The following THEMIS variants were observed in gnomAD, a reference collection of about 807,000 sequenced individuals.
The protein encoded by THEMIS is protein THEMIS.
THEMIS carries 37 observed loss-of-function variants against 52.6 expected under a neutral mutation model. The observed-to-expected ratio is 0.70, with a 90% CI of 0.54 to 0.93. The LOEUF (loss-of-function observed/expected upper bound fraction) is 0.93, where lower values mean the gene tolerates loss of function less well. THEMIS is among the 40% of genes least tolerant of loss of function. THEMIS has a pLI of 0.00. For synonymous variants in THEMIS, 292 were observed against 272.7 expected (o/e 1.07, Z -0.70); for missense variants, 808 against 763.1 (o/e 1.06, Z -0.69).
intron 4 of THEMIS, among the ~76,000 whole-genome samples, chr6:127,800,846 C>T (rs1018150344): frequency 6.6e-6 from 1 of 152,192 alleles, no homozygotes; most frequent in African/African-American, 2.4e-5. Flanking sequence ...TCTCCTTGCT[C>T]CTCAGCCTGA....
intron 3 of THEMIS, among the ~76,000 whole-genome samples, chr6:127,817,538 GT>G (rs908949489): frequency 7.0e-4 from 106 of 152,144 alleles, no homozygotes; most frequent in Admixed American, 2.5e-3. Flanking sequence ...TTTCATCCAA[GT>G]TTTTTTAATA....
chr6:127,762,834 G>A lies in THEMIS; in HGVS notation c.1759-43011C>T, dbSNP rs76602000. 2.6e-5 allele frequency among the ~76,000 whole-genome samples: 4 copies of A among 151,966 alleles called. No individual in the cohort carries two copies. The East Asian group carries it at 7.7e-4, about 29-fold the overall frequency. On this transcript the variant is annotated intron_variant, in intron 4 of 5. Transcript: ENST00000368248. The stretch of plus-strand genomic sequence containing the variant: ...CATCTCCCTTGCATTACCTGCTTTT[G>A]CTGCCATTGTTCTAAGTATTTCTAG...
At chr6:127,696,967 C>T in the THEMIS span, among the ~76,000 whole-genome samples, 71 of 152,108 alleles carry the variant, frequency 4.7e-4, no homozygotes, top group African/African-American at 1.4e-3. Context: ...ATTTTGGACA[C>T]GCACAATTCA....
chr6:127,761,213 G>A (rs542879249), intron 4 of THEMIS, among the ~76,000 whole-genome samples: 4 of 152,182 alleles, frequency 2.6e-5, no homozygotes, highest in East Asian at 1.9e-4. Context: ...CCAAGTGTTG[G>A]CAAGGATGTG....
intron 4 of THEMIS, among the ~76,000 whole-genome samples, chr6:127,723,169 A>C (rs1340752838): frequency 6.6e-6 from 1 of 151,992 alleles, no homozygotes; most frequent in African/African-American, 2.4e-5. Context: ...AGATCCACTG[A>C]TCCCTCTACT....
At chr6:127,734,610 C>T (rs1774923339) in intron 4 of THEMIS, among the ~76,000 whole-genome samples, 2 of 151,922 alleles carry the variant, frequency 1.3e-5, no homozygotes, top group South Asian at 4.1e-4. Flanking sequence ...GTGGCTCACG[C>T]CTGTAATCCT....
At chr6:127,803,721 C>T (rs1041804439) in intron 4 of THEMIS, among the ~76,000 whole-genome samples, 1 of 152,168 alleles carries the variant, frequency 6.6e-6, no homozygotes, top group Non-Finnish European at 1.5e-5. Flanking sequence ...TCAAGATATT[C>T]TCAACTTTCT....
At position 127,811,057 on chromosome 6, in the gene THEMIS, C is replaced by A. The variant is rs887509060; in HGVS notation, c.1758+1826G>T. ...TAAAGCAAAAACAAACAAACAACAA[C>A]AAAAAAAACCAACAACAACAACAAC... On this transcript the variant is annotated intron_variant, in intron 4 of 5. Transcript: ENST00000368248. 5.9e-5 allele frequency among the ~76,000 whole-genome samples: 9 copies of A among 151,782 alleles called. No individual in the cohort carries two copies. In the South Asian group the frequency reaches 1.5e-3, roughly 25 times the overall value.
chr6:127,763,418 A>G (rs1036694319), intron 4 of THEMIS, among the ~76,000 whole-genome samples: 7 of 152,038 alleles, frequency 4.6e-5, no homozygotes, highest in African/African-American at 1.4e-4. Context: ...TGAATACTCC[A>G]AAGAATTGAT....
chr6:127,799,640 T>C (rs1388664678), intron 4 of THEMIS, among the ~76,000 whole-genome samples: 1 of 151,994 alleles, frequency 6.6e-6, no homozygotes, highest in East Asian at 1.9e-4. Context: ...AGTTCTTATA[T>C]TGTTCACTAG....
At chr6:127,903,161 A>G (rs936566165), upstream of THEMIS, among the ~76,000 whole-genome samples, 8 of 152,046 alleles carry the variant, frequency 5.3e-5, no homozygotes, top group Middle Eastern at 3.2e-3. Flanking sequence ...ATCAGGCCCT[A>G]TAGATGGCAA....
intron 1 of THEMIS, among the ~76,000 whole-genome samples, chr6:127,898,077 T>C (rs1264675879): frequency 6.6e-6 from 1 of 151,660 alleles, no homozygotes; most frequent in Non-Finnish European, 1.5e-5. Context: ...ACAAAAGTCA[T>C]GATAGTGGTT....
At chr6:127,792,861 C>A (rs1406185268) in intron 4 of THEMIS, among the ~76,000 whole-genome samples, 9 of 152,152 alleles carry the variant, frequency 5.9e-5, no homozygotes, top group Non-Finnish European at 1.3e-4. Flanking sequence ...GTGAGCAGAA[C>A]CAATTATAAG....
chr6:127,842,889 T>C (rs1346829837), intron 2 of THEMIS, among the ~76,000 whole-genome samples: 5 of 151,912 alleles, frequency 3.3e-5, no homozygotes, highest in Non-Finnish European at 5.9e-5. Flanking sequence ...ACATGAAGTT[T>C]ATCCTGCCTG....
At chr6:127,791,102 T>G (rs1478769027) in intron 4 of THEMIS, among the ~76,000 whole-genome samples, 1 of 152,236 alleles carries the variant, frequency 6.6e-6, no homozygotes, top group Non-Finnish European at 1.5e-5. Context: ...CAGCCCTGTT[T>G]GTGTTACATC....
intron 4 of THEMIS, among the ~76,000 whole-genome samples, chr6:127,811,381 C>G (rs1018511966): frequency 7.2e-5 from 11 of 152,144 alleles, no homozygotes; most frequent in African/African-American, 2.7e-4. Flanking sequence ...ATTTGTGTTG[C>G]TTAGTTCATG....
intron 4 of THEMIS, among the ~76,000 whole-genome samples, chr6:127,797,226 A>G (rs1212785869): frequency 1.3e-5 from 2 of 152,206 alleles, no homozygotes; most frequent in African/African-American, 4.8e-5. Context: ...AATCACTAAT[A>G]TCTTTATAAT....
intron 1 of THEMIS, among the ~76,000 whole-genome samples, chr6:127,907,657 G>A (rs1442309751): frequency 6.6e-6 from 1 of 151,816 alleles, no homozygotes; most frequent in Non-Finnish European, 1.5e-5. Flanking sequence ...TGTTGGAAGA[G>A]GAGATATATC....
chr6:127,848,717 T>C (rs1032991448), intron 2 of THEMIS, among the ~76,000 whole-genome samples: 1 of 152,210 alleles, frequency 6.6e-6, no homozygotes, highest in Admixed American at 6.6e-5. Context: ...ACTGCATAAA[T>C]GTCTTCTTTT....
Sources: gnomAD v4.1 joint callset for allele counts (sites outside exome capture counted in the v4.1 genomes callset) on GRCh38, gnomAD v4.1.1 for gene constraint, MANE v1.5 for transcripts, NCBI Gene and HGNC (gene_info 2026-07-23, HGNC 2026-07-21) for gene names.